Variants in DISP1 observed in about 807,000 individuals in gnomAD.
DISP1 encodes the protein dispatched RND transporter family member 1.
A neutral mutation model predicts 37.3 loss-of-function variants in DISP1; 30 were observed. That is an observed-to-expected ratio of 0.80 (90% confidence interval 0.60 to 1.09). The LOEUF is 1.09. DISP1 is among the 50% of genes least tolerant of loss of function. The pLI is 0.00. For missense variants in DISP1, 1,598 were observed against 1,879.5 expected (o/e 0.85, Z 2.77); for synonymous variants, 634 against 690.2 (o/e 0.92, Z 1.28).
At chr1:222,828,288 C>G (rs1306998609) in intron 1 of DISP1, among the ~76,000 whole-genome samples, 1 of 152,072 alleles carries the variant, frequency 6.6e-6, no homozygotes, top group East Asian at 1.9e-4. Context: ...CCATTTTCCC[C>G]CCTTTGAACT....
At chr1:222,930,958 T>C (rs1558335660) in intron 2 of DISP1, among the ~76,000 whole-genome samples, 1 of 152,158 alleles carries the variant, frequency 6.6e-6, no homozygotes, top group Non-Finnish European at 1.5e-5. Flanking sequence ...AGGATACTCA[T>C]AGGACATTAT....
At chr1:222,817,657 G>A (rs1159091777) in intron 1 of DISP1, among the ~76,000 whole-genome samples, 1 of 152,222 alleles carries the variant, frequency 6.6e-6, no homozygotes, top group Non-Finnish European at 1.5e-5. Context: ...TAATGAGGTT[G>A]ACTCACACAG....
intron 3 of DISP1, among the ~76,000 whole-genome samples, chr1:222,963,992 C>T (rs1344273207): frequency 6.6e-6 from 1 of 151,872 alleles, no homozygotes; most frequent in Non-Finnish European, 1.5e-5. Context: ...GGTCCTCTGC[C>T]TAAATAAAAT....
chr1:222,879,563 G>A (rs545692355), intron 1 of DISP1, among the ~76,000 whole-genome samples: 12 of 152,136 alleles, frequency 7.9e-5, no homozygotes, highest in Non-Finnish European at 1.5e-4. Context: ...GTACATTTCT[G>A]TAGGTTATGA....
intron 4 of DISP1, among the ~76,000 whole-genome samples, chr1:222,986,708 C>A (rs1349527962): frequency 2.0e-5 from 3 of 152,192 alleles, no homozygotes; most frequent in Non-Finnish European, 4.4e-5. Flanking sequence ...CTATTAGAGA[C>A]TTAACCTATT....
intron 3 of DISP1, among the ~76,000 whole-genome samples, chr1:222,967,770 A>G (rs957216683): frequency 6.6e-6 from 1 of 152,230 alleles, no homozygotes; most frequent in Non-Finnish European, 1.5e-5. Flanking sequence ...AGGAAAGCAT[A>G]CGGGAGTCTT....
chr1:222,891,687 A>G (rs923034978), intron 1 of DISP1, among the ~76,000 whole-genome samples: 2 of 151,916 alleles, frequency 1.3e-5, no homozygotes, highest in African/African-American at 4.8e-5. Context: ...GGTTGATGGC[A>G]TCAAATGCTA....
At chr1:222,915,024 A>G (rs1672417520) in intron 1 of DISP1, among the ~76,000 whole-genome samples, 1 of 152,238 alleles carries the variant, frequency 6.6e-6, no homozygotes, top group Non-Finnish European at 1.5e-5. Context: ...AATAACAATG[A>G]CTGAGCATTT....
chr1:222,991,323 G>T (rs1460449810), intron 5 of DISP1, among the ~76,000 whole-genome samples, 197 bp from the exon 6 acceptor site: 1 of 152,170 alleles, frequency 6.6e-6, no homozygotes, highest in Non-Finnish European at 1.5e-5. Context: ...AAACTGTTTT[G>T]TCACAGCAAA....
intron 1 of DISP1, among the ~76,000 whole-genome samples, chr1:222,900,753 G>C (rs1671531768): frequency 6.6e-6 from 1 of 152,330 alleles, no homozygotes; most frequent in South Asian, 2.1e-4. Flanking sequence ...GATGTTTTCA[G>C]TTGATTGCAG....
At chr1:223,000,333 C>T (rs1209208789) in intron 8 of DISP1, among the ~76,000 whole-genome samples, 1 of 152,152 alleles carries the variant, frequency 6.6e-6, no homozygotes, top group Non-Finnish European at 1.5e-5. Flanking sequence ...AGTGAGATGC[C>T]ATTCCAGGGT....
chr1:223,005,242 A>G lies in DISP1; in HGVS notation c.3845A>G (p.Tyr1282Cys). 1.2e-6 allele frequency: 2 copies of G among 1,614,058 alleles called. No homozygotes were observed. Among genetic ancestry groups the G allele is most frequent in the Middle Eastern group, 1.6e-4 (1 of 6,062 alleles). The change falls in exon 9 of 9, where the codon TAT (tyrosine) becomes TGT (cysteine). Residue 1282 changes from tyrosine to cysteine, a missense_variant. Physicochemically the swap from Tyr to Cys is radical, Grantham distance 194. Coordinates refer to ENST00000675850, the MANE Select transcript of DISP1 (RefSeq NM_001377229.1). ...SCPDAYKHLN[Y>C]GPHSCQQMGD... ...CCAGATGCCTACAAACACTTGAACTATGGCCCACACTCTTGCCAGCAGATG... is the reference window on the plus strand; with the variant it reads ...CCAGATGCCTACAAACACTTGAACTGTGGCCCACACTCTTGCCAGCAGATG...
chr1:222,888,498 A>AT (rs1670765268), intron 1 of DISP1, among the ~76,000 whole-genome samples: 1 of 152,018 alleles, frequency 6.6e-6, no homozygotes, highest in Admixed American at 6.6e-5. Flanking sequence ...CTTTAAGTAA[A>AT]TTTTTTTATG....
chr1:222,920,843 TA>T (rs1672772061), intron 1 of DISP1, among the ~76,000 whole-genome samples: 1 of 152,160 alleles, frequency 6.6e-6, no homozygotes, highest in East Asian at 1.9e-4. Context: ...TATAAATTAA[TA>T]TTAAGTAAAT....
chr1:223,002,356 A>G, intron 8 of DISP1, 29 bp from the exon 9 acceptor site: 1 of 1,595,130 alleles, frequency 6.3e-7, no homozygotes, highest in Non-Finnish European at 8.6e-7. Flanking sequence ...TTTAAACTGT[A>G]GTCCTTCTGC....
chr1:222,960,831 T>C (rs549687577), intron 3 of DISP1, among the ~76,000 whole-genome samples: 6 of 152,100 alleles, frequency 3.9e-5, no homozygotes, highest in Non-Finnish European at 8.8e-5. Context: ...GAGAATACTA[T>C]AAACACCTCT....
intron 1 of DISP1, among the ~76,000 whole-genome samples, chr1:222,849,240 C>T (rs1000315591): frequency 1.3e-5 from 2 of 152,092 alleles, no homozygotes; most frequent in Non-Finnish European, 2.9e-5. Flanking sequence ...TGTTCCACAC[C>T]TGTGACAAGA....
chr1:222,960,756 C>T (rs945448422), intron 3 of DISP1, among the ~76,000 whole-genome samples: 26 of 150,978 alleles, frequency 1.7e-4, no homozygotes, highest in African/African-American at 6.1e-4. Context: ...AGAATCAAAT[C>T]GACACAATAA....
At chr1:222,822,013 C>T (rs1213865155) in intron 1 of DISP1, among the ~76,000 whole-genome samples, 1 of 152,150 alleles carries the variant, frequency 6.6e-6, no homozygotes, top group Non-Finnish European at 1.5e-5. Flanking sequence ...GGGGTCTCCC[C>T]TGCCATGCAG....
Sources: gnomAD v4.1 joint callset for allele counts (sites outside exome capture counted in the v4.1 genomes callset) on GRCh38, gnomAD v4.1.1 for gene constraint, MANE v1.5 for transcripts, NCBI Gene and HGNC (gene_info 2026-07-23, HGNC 2026-07-21) for gene names.